The following BCS1L variants were observed in gnomAD, a reference collection of about 807,000 sequenced individuals.
The protein encoded by BCS1L is mitochondrial chaperone BCS1.
A neutral mutation model predicts 49.3 loss-of-function variants in BCS1L; 38 were observed. The observed-to-expected ratio is 0.77, with a 90% CI of 0.59 to 1.01. The LOEUF is 1.01. Among genes scored for constraint, BCS1L ranks in the 50% least tolerant of loss-of-function variants. The pLI is 0.00. For synonymous variants in BCS1L, 193 were observed against 210.1 expected, an observed-to-expected ratio of 0.92 and a Z score of 0.70; for missense variants, 394 against 540.2, an observed-to-expected ratio of 0.73 and a Z score of 2.68.
intron 7 of BCS1L, 44 bp from the exon 8 acceptor site, chr2:218,663,090 T>G: frequency 6.2e-7 from 1 of 1,614,140 alleles, no homozygotes; most frequent in East Asian, 2.2e-5. Flanking sequence ...AGGGGCCATC[T>G]CTGTTGGGTG....
rs886055627 is a variant in BCS1L at position 218,661,245 on chromosome 2, T to C, written c.258T>C (p.His86=). The change falls in exon 2 of 8, where the codon CAT becomes CAC. Residue 86 remains histidine, a synonymous_variant. Transcript: ENST00000359273. The surrounding 1 kb of genome is among the most constrained non-coding windows in gnomAD (Gnocchi z 5.9). The part of the protein sequence containing the change: ...HLSVETSYLQ[H]ESGRISTKFE... ...GTGTCGAGACTTCGTACCTTCAGCA[T>C]GAGAGTGGCCGCATTTCCACTAAGT... 5.0e-6 allele frequency: 8 copies of C among 1,613,910 alleles called. No homozygotes were observed. The highest frequency in any genetic ancestry group is 3.3e-4 in the Middle Eastern group (2 of 6,084).
chr2:218,662,821 G>A lies in BCS1L; in HGVS notation c.890-62G>A. ...ATGGATAAGTAGGGGAACATAGTGGGGCATGCTAATTTTATGCTGGGCTAT... is the reference window on the plus strand; with the variant it reads ...ATGGATAAGTAGGGGAACATAGTGGAGCATGCTAATTTTATGCTGGGCTAT... On this transcript the variant is annotated intron_variant, in intron 6 of 7. Coordinates refer to ENST00000359273, the MANE Select transcript of BCS1L (RefSeq NM_001079866.2). The surrounding 1 kb of genome is among the most constrained non-coding windows in gnomAD (Gnocchi z 5.8). The A allele has an allele frequency of 6.3e-7, 1 of 1,584,724 alleles. No individual in the cohort carries two copies. Among genetic ancestry groups the A allele is most frequent in the Non-Finnish European group, 8.7e-7 (1 of 1,153,632 alleles).
chr2:218,658,777 A>G (rs1436473750), upstream of BCS1L: 1 of 152,200 alleles, frequency 6.6e-6, no homozygotes, highest in Non-Finnish European at 1.5e-5. Flanking sequence ...GAGGACGCTG[A>G]GCCGTCAAGA....
At position 218,662,620 on chromosome 2, in the gene BCS1L, GCCTGGTACTC is replaced by G; in HGVS notation, c.832_841del (p.Leu278TrpfsTer19). ...CTGCTGAGCGTGGCCCCGCAGCAGA[GCCTGGTACTC>G]CTGGAGGATGTGGATGCTGCTTTTC... On this transcript the variant is annotated frameshift_variant, in exon 6 of 8. Coordinates refer to ENST00000359273, the MANE Select transcript of BCS1L (RefSeq NM_001079866.2). LOFTEE classifies it high-confidence loss of function. This position sits in a 1 kb window ranked among gnomAD's most constrained non-coding sequence, Gnocchi z 5.8. 1 of 1,614,218 alleles carries G rather than the reference GCCTGGTACTC, an allele frequency of 6.2e-7. No homozygotes were observed. Among genetic ancestry groups the G allele is most frequent in the Non-Finnish European group, 8.5e-7 (1 of 1,180,046 alleles).
At position 218,662,351 on chromosome 2, in the gene BCS1L, G is replaced by A. The variant is rs1409196659; in HGVS notation, c.719+91G>A. On this transcript the variant is annotated intron_variant, in intron 5 of 7. Coordinates refer to ENST00000359273, the MANE Select transcript of BCS1L (RefSeq NM_001079866.2). This position sits in a 1 kb window ranked among gnomAD's most constrained non-coding sequence, Gnocchi z 5.8. ...GGTTGGAAGGGGAAATGAATCTGGG[G>A]ATCGGGGACCAGGATAAACATGAAA... 1 of 1,509,440 alleles carries A rather than the reference G, an allele frequency of 6.6e-7. No individual in the cohort carries two copies. Among genetic ancestry groups the A allele is most frequent in the Non-Finnish European group, 9.2e-7 (1 of 1,086,456 alleles). 93.5% of individuals were successfully genotyped at this position (1,509,440 alleles called of 1,614,324 possible). A position where few individuals can be genotyped will look rare whatever the true frequency, so the allele number is the denominator to read the frequency against.
chr2:218,660,936 T>C lies in BCS1L; in HGVS notation c.-49-3T>C. On this transcript the variant is annotated splice_polypyrimidine_tract_variant and splice_region_variant and intron_variant, in intron 1 of 7. Coordinates refer to ENST00000359273, the MANE Select transcript of BCS1L (RefSeq NM_001079866.2). ...TCCCATCTCCACTGTTCCCCACCCC[T>C]AGGTTTTCGTAACACCCCAGGGCCT... 6.3e-7 allele frequency: 1 copy of C among 1,598,716 alleles called. No homozygotes were observed. The highest frequency in any genetic ancestry group is 8.5e-7 in the Non-Finnish European group (1 of 1,169,604).
chr2:218,663,109 AC>A, intron 7 of BCS1L, 24 bp from the exon 8 acceptor site: 1 of 1,614,160 alleles, frequency 6.2e-7, no homozygotes, highest in Admixed American at 1.7e-5. Context: ...TGCTAGTGTG[AC>A]CTGCTTTCCC....
At position 218,662,328 on chromosome 2, in the gene BCS1L, T is replaced by A. The variant is rs1939558515; in HGVS notation, c.719+68T>A. On this transcript the variant is annotated intron_variant, in intron 5 of 7. Coordinates refer to ENST00000359273, the MANE Select transcript of BCS1L (RefSeq NM_001079866.2). The surrounding 1 kb of genome is among the most constrained non-coding windows in gnomAD (Gnocchi z 5.8). ...TTGTGGAAACACTAGGCTGATAGGGTTGGAAGGGGAAATGAATCTGGGGAT... is the reference window on the plus strand; with the variant it reads ...TTGTGGAAACACTAGGCTGATAGGGATGGAAGGGGAAATGAATCTGGGGAT... 1.3e-6 allele frequency: 2 copies of A among 1,538,696 alleles called. No individual in the cohort carries two copies. The highest frequency in any genetic ancestry group is 3.3e-5 in the Admixed American group (2 of 59,874).
In BCS1L at chr2:218,661,015, C is replaced by T; in HGVS notation, c.28C>T (p.Leu10=). The change falls in exon 2 of 8, where the codon CTG becomes TTG. Residue 10 remains leucine (L), a synonymous_variant. Transcript: ENST00000359273. This position sits in a 1 kb window ranked among gnomAD's most constrained non-coding sequence, Gnocchi z 5.9. ...GCCACTTTCAGACTTTATTCTGGCT[C>T]TGAAGGACAATCCCTACTTTGGGGC... MPLSDFILA[L]KDNPYFGAGF... is the part of the protein sequence containing the mutation. 1 of 1,614,002 alleles carries T rather than the reference C, an allele frequency of 6.2e-7. No homozygotes were observed. The highest frequency in any genetic ancestry group is 8.5e-7 in the Non-Finnish European group (1 of 1,180,030).
rs754291622 is a variant in BCS1L at position 218,661,012 on chromosome 2, G to T, written c.25G>T (p.Ala9Ser). MPLSDFILALKDNPYFGAG... is the reference protein window; with the variant it reads MPLSDFILSLKDNPYFGAG... Reference sequence around the variant, plus strand: ...GATGCCACTTTCAGACTTTATTCTGGCTCTGAAGGACAATCCCTACTTTGG... The same window carrying T: ...GATGCCACTTTCAGACTTTATTCTGTCTCTGAAGGACAATCCCTACTTTGG... Residue 9 changes from alanine to serine, a missense_variant, in exon 2 of 8, where the codon GCT becomes TCT. Coordinates refer to ENST00000359273, the MANE Select transcript of BCS1L (RefSeq NM_001079866.2). The surrounding 1 kb of genome is among the most constrained non-coding windows in gnomAD (Gnocchi z 5.9). The T allele has an allele frequency of 1.2e-6, 2 of 1,613,934 alleles. No individual in the cohort carries two copies. The highest frequency in any genetic ancestry group is 2.2e-5 in the South Asian group (2 of 91,082).
chr2:218,662,880 C>G lies in BCS1L; in HGVS notation c.890-3C>G. On this transcript the variant is annotated splice_polypyrimidine_tract_variant and splice_region_variant and intron_variant, in intron 6 of 7. Coordinates refer to ENST00000359273, the MANE Select transcript of BCS1L (RefSeq NM_001079866.2). The surrounding 1 kb of genome is among the most constrained non-coding windows in gnomAD (Gnocchi z 5.8). The stretch of plus-strand genomic sequence containing the variant: ...ATGCTTCCTTATCTTTGCCTTCCTC[C>G]AGACCCAGTAAAGTACCAAGGCCTA... The G allele has an allele frequency of 6.2e-7, 1 of 1,613,770 alleles. No individual in the cohort carries two copies. The highest frequency in any genetic ancestry group is 1.1e-5 in the South Asian group (1 of 91,048).
At position 218,663,217 on chromosome 2, in the gene BCS1L, T is replaced by A; in HGVS notation, c.1091T>A (p.Met364Lys). 1 of 1,614,216 alleles carries A rather than the reference T, an allele frequency of 6.2e-7. No homozygotes were observed. The highest frequency in any genetic ancestry group is 8.5e-7 in the Non-Finnish European group (1 of 1,180,034). Reference protein sequence around the residue: ...GYCSHWQLTQMFQRFYPGQAP... With the variant: ...GYCSHWQLTQKFQRFYPGQAP... Reference sequence around the variant, plus strand: ...TGCTCACACTGGCAGCTGACCCAGATGTTCCAGAGGTTCTATCCAGGGCAG... The same window carrying A: ...TGCTCACACTGGCAGCTGACCCAGAAGTTCCAGAGGTTCTATCCAGGGCAG... The change falls in exon 8 of 8, where the codon ATG becomes AAG. Residue 364 changes from methionine to lysine, a missense_variant. Met to Lys is a moderately conservative substitution (Grantham distance 95). Coordinates refer to ENST00000359273, the MANE Select transcript of BCS1L (RefSeq NM_001079866.2).
chr2:218,662,232 C>A lies in BCS1L; in HGVS notation c.691C>A (p.Pro231Thr), dbSNP rs1045373470. The change falls in exon 5 of 8, where the codon CCC (proline) becomes ACC (threonine). Residue 231 changes from proline (P) to threonine (T), a missense_variant. By Grantham distance (38) the Pro-to-Thr change is conservative (BLOSUM62 -1). Coordinates refer to ENST00000359273, the MANE Select transcript of BCS1L (RefSeq NM_001079866.2). The surrounding 1 kb of genome is among the most constrained non-coding windows in gnomAD (Gnocchi z 5.8). ...PYRRGYLLYGPPGCGKSSFIT... is the reference protein window; with the variant it reads ...PYRRGYLLYGTPGCGKSSFIT... ...CAGACGTGGCTACCTGCTTTATGGG[C>A]CCCCTGGTTGCGGAAAGAGCAGTTT... 1.9e-6 allele frequency: 3 copies of A among 1,613,742 alleles called. No homozygotes were observed. The highest frequency in any genetic ancestry group is 2.7e-5 in the African/African-American group (2 of 74,898).
In BCS1L at chr2:218,662,855, A is replaced by G. The variant is rs1232715544; in HGVS notation, c.890-28A>G. On this transcript the variant is annotated intron_variant, in intron 6 of 7. Transcript: ENST00000359273. The surrounding 1 kb of genome is among the most constrained non-coding windows in gnomAD (Gnocchi z 5.8). ...ATTTTATGCTGGGCTATGACTACTC[A>G]TGCTTCCTTATCTTTGCCTTCCTCC... 1.2e-6 allele frequency: 2 copies of G among 1,607,830 alleles called. No homozygotes were observed. The highest frequency in any genetic ancestry group is 1.7e-6 in the Non-Finnish European group (2 of 1,174,484).
Position 218,661,691 on chromosome 2 carries a change from T to A in BCS1L, c.461-68T>A. 2 of 1,587,750 alleles carry A rather than the reference T, an allele frequency of 1.3e-6. No individual in the cohort carries two copies. Among genetic ancestry groups the A allele is most frequent in the South Asian group, 2.3e-5 (2 of 88,438 alleles). ...CCAGAAGGAAGCTGTTTGGCACAGC[T>A]CCACCTAATTGAAGAATCAGCCATG... On this transcript the variant is annotated intron_variant, in intron 3 of 7. Transcript: ENST00000359273. The surrounding 1 kb of genome is among the most constrained non-coding windows in gnomAD (Gnocchi z 5.9).
chr2:218,661,421 G>T lies in BCS1L; in HGVS notation c.336G>T (p.Trp112Cys). 1 of 1,614,244 alleles carries T rather than the reference G, an allele frequency of 6.2e-7. No homozygotes were observed. Among genetic ancestry groups the T allele is most frequent in the South Asian group, 1.1e-5 (1 of 91,090 alleles). Residue 112 changes from tryptophan to cysteine, a missense_variant, in exon 3 of 8, where the codon TGG becomes TGT. Coordinates refer to ENST00000359273, the MANE Select transcript of BCS1L (RefSeq NM_001079866.2). This position sits in a 1 kb window ranked among gnomAD's most constrained non-coding sequence, Gnocchi z 5.9. ...GNHFIWYRGK[W>C]IRVERSREMQ... ...TCTTATTCAGGTATCGGGGGAAATG[G>T]ATTCGGGTAGAACGAAGTCGAGAGA...
rs1939631956 is a variant in BCS1L, at chr2:218,662,854, C to T, written c.890-29C>T. 4.4e-6 allele frequency: 7 copies of T among 1,606,146 alleles called. No individual in the cohort carries two copies. The highest frequency in any genetic ancestry group is 6.0e-6 in the Non-Finnish European group (7 of 1,173,042). ...AATTTTATGCTGGGCTATGACTACTCATGCTTCCTTATCTTTGCCTTCCTC... is the reference window on the plus strand; with the variant it reads ...AATTTTATGCTGGGCTATGACTACTTATGCTTCCTTATCTTTGCCTTCCTC... On this transcript the variant is annotated intron_variant, in intron 6 of 7. Transcript: ENST00000359273. The surrounding 1 kb of genome is among the most constrained non-coding windows in gnomAD (Gnocchi z 5.8).
rs1939551015 is a variant in BCS1L, at chr2:218,662,270, C to G, written c.719+10C>G. The G allele has an allele frequency of 1.9e-6, 3 of 1,612,802 alleles. No individual in the cohort carries two copies. The highest frequency in any genetic ancestry group is 2.5e-6 in the Non-Finnish European group (3 of 1,178,858). Reference sequence around the variant, plus strand: ...GAAAGAGCAGTTTTATGTGAGTATTCAAAATTTCTCTCAACTTGGCAAAAC... The same window carrying G: ...GAAAGAGCAGTTTTATGTGAGTATTGAAAATTTCTCTCAACTTGGCAAAAC... On this transcript the variant is annotated intron_variant, in intron 5 of 7. Coordinates refer to ENST00000359273, the MANE Select transcript of BCS1L (RefSeq NM_001079866.2). This position sits in a 1 kb window ranked among gnomAD's most constrained non-coding sequence, Gnocchi z 5.8.
chr2:218,660,680 GT>G (rs1217200039), intron 1 of BCS1L: 4 of 362,498 alleles, frequency 1.1e-5, no homozygotes, highest in African/African-American at 8.2e-5. Context: ...TTACCCTGAT[GT>G]GAAGCCTGTT....
Sources: allele counts gnomAD v4.1 joint callset, GRCh38; gene constraint gnomAD v4.1.1; non-coding constraint Gnocchi (gnomAD v3.1); transcripts MANE v1.5; gene names NCBI Gene and HGNC (gene_info 2026-07-23, HGNC 2026-07-21).